CTPS2: variants seen among roughly 807,000 people sequenced by gnomAD.
CTPS2 encodes CTP synthase II.
Under a neutral mutation model 46.8 loss-of-function variants are expected in CTPS2, and 19 were observed. The observed-to-expected ratio is 0.41, with a 90% confidence interval of 0.28 to 0.60. The LOEUF is 0.60. Ranked by LOEUF, CTPS2 falls within the 20% of genes least tolerant of loss-of-function variation. The pLI, the probability that CTPS2 is intolerant of heterozygous loss-of-function variation, is 0.35. For missense variants in CTPS2, 286 were observed against 447.6 expected, an observed-to-expected ratio of 0.64 and a Z score of 3.26; for synonymous variants, 151 against 165.2, an observed-to-expected ratio of 0.91 and a Z score of 0.66.
chrX:16,602,204 A>C (rs1929707747), intron 17 of CTPS2, among the ~76,000 whole-genome samples: 1 of 111,372 alleles, frequency 9.0e-6, no homozygotes, highest in African/African-American at 3.3e-5. Flanking sequence ...CGAAAGAGAG[A>C]ACAAGCTCTA....
chrX:16,702,336 G>C (rs747781464), intron 2 of CTPS2, among the ~76,000 whole-genome samples: 1 of 112,417 alleles, frequency 8.9e-6, no homozygotes, highest in Non-Finnish European at 1.9e-5. Context: ...TTACAGGCAT[G>C]AGCCACCGCA....
chrX:16,644,913 T>C (rs771811981), intron 13 of CTPS2, among the ~76,000 whole-genome samples: 1 of 112,870 alleles, frequency 8.9e-6, no homozygotes, highest in East Asian at 2.8e-4. Flanking sequence ...TTATTTTCCA[T>C]CTCCACTGAG....
intron 13 of CTPS2, among the ~76,000 whole-genome samples, chrX:16,663,659 C>G (rs1190657208): frequency 1.8e-5 from 2 of 110,436 alleles, no homozygotes; most frequent in East Asian, 5.6e-4. Context: ...TGTGAATATC[C>G]AGCCTGGGCA....
At chrX:16,680,923 C>T (rs182935882) in intron 9 of CTPS2, among the ~76,000 whole-genome samples, 70 of 111,414 alleles carry the variant, frequency 6.3e-4, no homozygotes, top group African/African-American at 1.8e-3. Flanking sequence ...CGATGGCTCA[C>T]GCTTGTAATC....
chrX:16,646,694 C>T (rs1202848702), intron 13 of CTPS2, among the ~76,000 whole-genome samples: 1 of 112,259 alleles, frequency 8.9e-6, no homozygotes, highest in African/African-American at 3.2e-5. Flanking sequence ...TAGCATTTCA[C>T]ACCCATTTTG....
Position 16,683,175 on chromosome X carries a change from GGTGT to G in CTPS2, c.920_923del (p.Tyr307SerfsTer25). The stretch of plus-strand genomic sequence containing the variant: ...CAGAGGCGTAGCAGTCTCTGAGCTT[GGTGT>G]ATTTGCCAACCAGGGCTATGGAGCA... On this transcript the variant is annotated frameshift_variant, in exon 9 of 19. Coordinates refer to ENST00000359276, the MANE Select transcript of CTPS2 (RefSeq NM_175859.3). LOFTEE classifies it high-confidence loss of function. 1 of 1,209,598 alleles carries G rather than the reference GGTGT, an allele frequency of 8.3e-7. No homozygotes were observed.
chrX:16,597,867 C>T (rs1232690544), intron 17 of CTPS2, among the ~76,000 whole-genome samples: 2 of 108,557 alleles, frequency 1.8e-5, no homozygotes, highest in South Asian at 4.1e-4. Flanking sequence ...TCTTTTATTT[C>T]ATTGAGCAGT....
chrX:16,693,716 G>C (rs1448278995), intron 4 of CTPS2, among the ~76,000 whole-genome samples: 1 of 111,434 alleles, frequency 9.0e-6, no homozygotes, highest in Non-Finnish European at 1.9e-5. Flanking sequence ...CTTGAGCCCA[G>C]GAGGTCAAGG....
intron 17 of CTPS2, among the ~76,000 whole-genome samples, chrX:16,598,908 G>A (rs1929464948): frequency 9.0e-6 from 1 of 111,526 alleles, no homozygotes; most frequent in African/African-American, 3.3e-5. Context: ...TTCAATATAC[G>A]CAAATCAATA....
chrX:16,676,857 C>G (rs923250956), intron 10 of CTPS2, among the ~76,000 whole-genome samples: 2 of 110,636 alleles, frequency 1.8e-5, no homozygotes, highest in African/African-American at 6.6e-5. Context: ...GTCAAGAGTT[C>G]AAGACCAGCC....
chrX:16,705,869 G>A (rs1367571163), intron 1 of CTPS2, among the ~76,000 whole-genome samples: 6 of 110,098 alleles, frequency 5.4e-5, no homozygotes, highest in African/African-American at 2.0e-4. Context: ...TTGGGAGGCC[G>A]AGGCAGGTGG....
chrX:16,658,273 A>C (rs1442027499), intron 13 of CTPS2, among the ~76,000 whole-genome samples: 1 of 110,169 alleles, frequency 9.1e-6, no homozygotes, highest in African/African-American at 3.3e-5. Flanking sequence ...TAAACAGTTG[A>C]GGGACTGTTT....
intron 4 of CTPS2, among the ~76,000 whole-genome samples, chrX:16,696,574 G>A (rs1271881007): frequency 9.0e-6 from 1 of 111,505 alleles, no homozygotes; most frequent in African/African-American, 3.3e-5. Flanking sequence ...GCATAGTGGT[G>A]GTACACTGTA....
At chrX:16,702,975 G>A in intron 1 of CTPS2, 34 bp from the exon 2 acceptor site, 1 of 877,565 alleles carries the variant, frequency 1.1e-6, no homozygotes, top group Non-Finnish European at 1.6e-6. Flanking sequence ...TAAGGAAAGA[G>A]AAATATTTAA....
At chrX:16,624,235 A>T (rs1376442119) in intron 14 of CTPS2, among the ~76,000 whole-genome samples, 1 of 111,978 alleles carries the variant, frequency 8.9e-6, no homozygotes, top group Non-Finnish European at 1.9e-5. Flanking sequence ...TGCATTCAAA[A>T]TCTTTCTTCA....
intron 13 of CTPS2, among the ~76,000 whole-genome samples, chrX:16,640,452 G>A (rs1932023342): frequency 9.0e-6 from 1 of 111,704 alleles, no homozygotes; most frequent in Admixed American, 9.6e-5. Flanking sequence ...CTCACAGAAC[G>A]AGGTTCTTCC....
intron 9 of CTPS2, 35 bp downstream of exon 9, chrX:16,683,059 T>C: frequency 8.3e-7 from 1 of 1,206,594 alleles, no homozygotes; most frequent in Non-Finnish European, 1.1e-6. Context: ...TGGCATGAAT[T>C]ACTGAGATAG....
chrX:16,701,468 A>C (rs1358541739), intron 2 of CTPS2, among the ~76,000 whole-genome samples: 1 of 111,014 alleles, frequency 9.0e-6, no homozygotes, highest in Non-Finnish European at 1.9e-5. Context: ...CTGAAGCAGG[A>C]GGATCACTTG....
At chrX:16,692,018 T>C (rs1484557719) in intron 6 of CTPS2, among the ~76,000 whole-genome samples, 1 of 111,888 alleles carries the variant, frequency 8.9e-6, no homozygotes, top group Non-Finnish European at 1.9e-5. Context: ...TGTAAATGAA[T>C]GGGTGTGACT....
Sources: gnomAD v4.1 joint callset for allele counts (sites outside exome capture counted in the v4.1 genomes callset) on GRCh38, gnomAD v4.1.1 for gene constraint, MANE v1.5 for transcripts, NCBI Gene and HGNC (gene_info 2026-07-23, HGNC 2026-07-21) for gene names.